The following CCDC149 variants were observed in gnomAD, a reference collection of about 807,000 sequenced individuals.
The protein encoded by CCDC149 is coiled-coil domain-containing protein 149.
Under a neutral mutation model 59.9 loss-of-function variants are expected in CCDC149, and 45 were observed. The ratio of observed to expected loss-of-function variants is 0.75; its 90% CI spans 0.59 to 0.96. The LOEUF is 0.96. CCDC149 is among the 40% of genes least tolerant of loss of function. The pLI is 0.00. For missense variants in CCDC149, 584 were observed against 664.7 expected, an observed-to-expected ratio of 0.88 and a Z score of 1.33; for synonymous variants, 245 against 260.6, an observed-to-expected ratio of 0.94 and a Z score of 0.58.
chr4:24,959,575 A>T (rs1304041081), intron 1 of CCDC149, among the ~76,000 whole-genome samples: 1 of 152,206 alleles, frequency 6.6e-6, no homozygotes, highest in East Asian at 1.9e-4. Flanking sequence ...CACAAGAAAC[A>T]TGAAGAAACC....
At chr4:24,879,282 G>A (rs565088356) in intron 1 of CCDC149, among the ~76,000 whole-genome samples, 3 of 152,114 alleles carry the variant, frequency 2.0e-5, no homozygotes, top group East Asian at 1.9e-4. Context: ...TTGGGAGGCC[G>A]AGGTGGGCAG....
chr4:24,906,385 AT>A (rs66554063), intron 1 of CCDC149, among the ~76,000 whole-genome samples: 1 of 17,800 alleles, frequency 5.6e-5, no homozygotes, highest in Non-Finnish European at 2.9e-4. Context: ...ATTTTATTTT[AT>A]TTTATTTTAT....
intron 4 of CCDC149, among the ~76,000 whole-genome samples, chr4:24,847,200 G>T (rs1717343967): frequency 6.6e-6 from 1 of 152,206 alleles, no homozygotes; most frequent in African/African-American, 2.4e-5. Context: ...TAGAGAGGAA[G>T]ATCTTAAGAT....
chr4:24,926,488 A>G (rs1458608830), intron 1 of CCDC149, among the ~76,000 whole-genome samples: 5 of 152,108 alleles, frequency 3.3e-5, no homozygotes, highest in African/African-American at 1.2e-4. Flanking sequence ...ACCTTCCCTC[A>G]GGGGCTTCCA....
intron 4 of CCDC149, among the ~76,000 whole-genome samples, chr4:24,842,177 G>T (rs1352356182): frequency 6.6e-6 from 1 of 152,142 alleles, no homozygotes; most frequent in Non-Finnish European, 1.5e-5. Context: ...AGTAAGAAAA[G>T]ATGGGACTTC....
chr4:24,972,419 C>A (rs1033794386), intron 1 of CCDC149, among the ~76,000 whole-genome samples: 3 of 151,958 alleles, frequency 2.0e-5, no homozygotes, highest in African/African-American at 7.3e-5. Flanking sequence ...GCCATCCTCC[C>A]ACCTCAGCCT....
intron 3 of CCDC149, among the ~76,000 whole-genome samples, chr4:24,859,615 A>G (rs1718247425): frequency 1.3e-5 from 2 of 152,238 alleles, no homozygotes; most frequent in Admixed American, 6.5e-5. Flanking sequence ...GACAAGAGAA[A>G]GAAATAAAAG....
At chr4:24,948,639 G>A (rs1723191077) in intron 1 of CCDC149, among the ~76,000 whole-genome samples, 1 of 152,190 alleles carries the variant, frequency 6.6e-6, no homozygotes, top group South Asian at 2.1e-4. Context: ...CCACTGGTTG[G>A]CAGTGGCAGT....
At position 24,819,197 on chromosome 4, in the gene CCDC149, T is replaced by C. The variant is rs375656886; in HGVS notation, c.1192+662A>G. Among the ~76,000 whole-genome samples, 35 of 152,310 alleles carry C rather than the reference T, an allele frequency of 2.3e-4. 1 individual carries two copies. In the South Asian group the frequency reaches 6.8e-3, roughly 30 times the overall value. ...GCAATGTGCCAAGATTTCCCTGAGG[T>C]AGACATGATCATGTCACTGTTTTAA... On this transcript the variant is annotated intron_variant, in intron 12 of 12. Transcript: ENST00000635206.
chr4:24,893,775 G>A (rs895710257), intron 1 of CCDC149, among the ~76,000 whole-genome samples: 3 of 151,474 alleles, frequency 2.0e-5, no homozygotes, highest in Admixed American at 6.6e-5. Flanking sequence ...CCACCACCAT[G>A]CCCAGCTAAT....
intron 1 of CCDC149, among the ~76,000 whole-genome samples, chr4:24,945,875 G>A (rs1308506804): frequency 6.6e-6 from 1 of 152,042 alleles, no homozygotes; most frequent in East Asian, 1.9e-4. Context: ...ACCCACCTGG[G>A]CCTCCAAAAT....
intron 1 of CCDC149, among the ~76,000 whole-genome samples, chr4:24,931,679 A>G (rs1722590427): frequency 6.6e-6 from 1 of 151,712 alleles, no homozygotes; most frequent in African/African-American, 2.4e-5. Context: ...GAGGTTATGC[A>G]GTGCATATTT....
chr4:24,873,621 G>T lies in CCDC149; in HGVS notation c.264+60C>A, dbSNP rs1719196936. 2.7e-6 allele frequency: 3 copies of T among 1,102,670 alleles called. No homozygotes were observed. The Admixed American group carries it at 5.2e-5, about 19-fold the overall frequency. The allele number at this position is 1,102,670 out of a possible 1,614,324, so 68.3% of individuals were successfully genotyped here. ...AGTTCTCTACATTTTGAGATTCCCT[G>T]ATCCTCCCAATTGCTGCTAGGTATC... On this transcript the variant is annotated intron_variant, in intron 3 of 12. Coordinates refer to ENST00000635206, the MANE Select transcript of CCDC149 (RefSeq NM_001330643.2).
At chr4:24,939,396 G>A (rs1183633110) in intron 1 of CCDC149, among the ~76,000 whole-genome samples, 4 of 152,206 alleles carry the variant, frequency 2.6e-5, no homozygotes, top group Non-Finnish European at 4.4e-5. Context: ...CCATCTGTAC[G>A]TCACCATCAT....
chr4:24,873,480 AC>A (rs1719186964), intron 3 of CCDC149, among the ~76,000 whole-genome samples, 200 bp downstream of exon 3: 1 of 152,034 alleles, frequency 6.6e-6, no homozygotes, highest in African/African-American at 2.4e-5. Context: ...CAACTGGTGT[AC>A]CTCCCCCAAC....
chr4:24,862,869 A>G (rs1157631433), intron 3 of CCDC149, among the ~76,000 whole-genome samples: 1 of 150,846 alleles, frequency 6.6e-6, no homozygotes, highest in Non-Finnish European at 1.5e-5. Flanking sequence ...TTCCCATTGC[A>G]TGTAAAATGT....
chr4:24,831,595 G>A lies in CCDC149; in HGVS notation c.876C>T (p.Ser292=), dbSNP rs535637381. Residue 292 remains serine (S), a synonymous_variant, in exon 9 of 13, where the codon TCC becomes TCT. Coordinates refer to ENST00000635206, the MANE Select transcript of CCDC149 (RefSeq NM_001330643.2). ...TTGCCAGAGATTTCAGGTCAGAAAT[G>A]GACTGCGGAGTAGCTGGGAGGCTGC... 3.1e-6 allele frequency: 5 copies of A among 1,614,032 alleles called. No homozygotes were observed. The South Asian group carries it at 5.5e-5, about 18-fold the overall frequency.
At position 24,977,518 on chromosome 4, in the gene CCDC149, T is replaced by C. The variant is rs145808593; in HGVS notation, c.-65+2551A>G. On this transcript the variant is annotated intron_variant, in intron 1 of 12. Transcript: ENST00000389609. ...TCATTTGTGGCCAAACAAATCCTAA[T>C]TAATATTATCTGTGAATCAACAAGC... 3.1e-3 allele frequency among the ~76,000 whole-genome samples: 465 copies of C among 152,290 alleles called. 2 individuals are homozygous for C. Among genetic ancestry groups the C allele is most frequent in the African/African-American group, 0.01 (430 of 41,552 alleles).
chr4:24,951,881 C>A (rs1057217205), intron 1 of CCDC149, among the ~76,000 whole-genome samples: 2 of 152,158 alleles, frequency 1.3e-5, no homozygotes, highest in Non-Finnish European at 2.9e-5. Flanking sequence ...TGCAGATGCA[C>A]CCTCTGAAAC....
Sources: gnomAD v4.1 joint callset for allele counts (sites outside exome capture counted in the v4.1 genomes callset) on GRCh38, gnomAD v4.1.1 for gene constraint, MANE v1.5 for transcripts, NCBI Gene and HGNC (gene_info 2026-07-23, HGNC 2026-07-21) for gene names.